The following C1orf115 variants were observed in gnomAD, a reference collection of about 807,000 sequenced individuals.
C1orf115 encodes the protein chromosome 1 open reading frame 115.
C1orf115 carries 14 observed loss-of-function variants against 12.5 expected under a neutral mutation model. The observed-to-expected ratio is 1.12, with a 90% CI of 0.74 to 1.75. The LOEUF (loss-of-function observed/expected upper bound fraction) is 1.75, where lower values mean the gene tolerates loss of function less well. Among genes scored for constraint, C1orf115 ranks in the 40% most tolerant of loss-of-function variants. The pLI is 0.00. For synonymous variants in C1orf115, 109 were observed against 104.6 expected (o/e 1.04, Z -0.26); for missense variants, 237 against 220.8 (o/e 1.07, Z -0.46).
chr1:220,694,990 A>C (rs1352052616), intron 1 of C1orf115, among the ~76,000 whole-genome samples: 4 of 152,242 alleles, frequency 2.6e-5, no homozygotes, highest in African/African-American at 9.6e-5. Context: ...TATGGAGTCA[A>C]AGACGCCACA....
At chr1:220,696,354 A>G (rs1670193689) in intron 1 of C1orf115, among the ~76,000 whole-genome samples, 1 of 152,224 alleles carries the variant, frequency 6.6e-6, no homozygotes, top group African/African-American at 2.4e-5. Context: ...TCTTTGAATT[A>G]TCTGGAAATA....
chr1:220,692,276 C>A (rs1376258644), intron 1 of C1orf115, among the ~76,000 whole-genome samples: 9 of 152,192 alleles, frequency 5.9e-5, no homozygotes, highest in African/African-American at 2.2e-4. Context: ...TGTGATCTAG[C>A]AGTTCCACTC....
At chr1:220,695,137 C>T (rs1670172470) in intron 1 of C1orf115, among the ~76,000 whole-genome samples, 1 of 152,122 alleles carries the variant, frequency 6.6e-6, no homozygotes, top group Non-Finnish European at 1.5e-5. Context: ...GGGTAGGAGC[C>T]GGAGTCAGAG....
intron 1 of C1orf115, among the ~76,000 whole-genome samples, chr1:220,692,433 T>C (rs937389283): frequency 6.6e-6 from 1 of 152,236 alleles, no homozygotes; most frequent in Non-Finnish European, 1.5e-5. Context: ...GTGTGTTATA[T>C]ACATACAATG....
intron 1 of C1orf115, 149 bp downstream of exon 1, chr1:220,690,860 G>A: frequency 9.9e-7 from 1 of 1,006,670 alleles, no homozygotes; most frequent in Non-Finnish European, 1.4e-6. Flanking sequence ...TCGCCGGAGG[G>A]AAGCCGCGAG....
Position 220,696,789 on chromosome 1 carries a change from T to C in C1orf115, c.*58T>C. ...AACGGGAGCCCCTGCTGTGGGAACT[T>C]TGTGAATCCTGGAGCATCTCAGACT... On this transcript the variant is annotated 3_prime_UTR_variant, in exon 2 of 2. Coordinates refer to ENST00000294889, the MANE Select transcript of C1orf115 (RefSeq NM_024709.5). 1 of 1,534,266 alleles carries C rather than the reference T, an allele frequency of 6.5e-7. No homozygotes were observed. Among genetic ancestry groups the C allele is most frequent in the South Asian group, 1.2e-5 (1 of 81,192 alleles).
chr1:220,693,850 G>A (rs1442595377), intron 1 of C1orf115, among the ~76,000 whole-genome samples: 6 of 152,048 alleles, frequency 3.9e-5, no homozygotes, highest in South Asian at 2.1e-4. Context: ...AGGCTGAGGC[G>A]GGTGGATCAC....
chr1:220,696,882 G>C lies in C1orf115; in HGVS notation c.*151G>C. On this transcript the variant is annotated 3_prime_UTR_variant, in exon 2 of 2. Coordinates refer to ENST00000294889, the MANE Select transcript of C1orf115 (RefSeq NM_024709.5). Reference sequence around the variant, plus strand: ...GTTGAATCACATTAGTATGATGAGTGAGTCATCCCTGCCCATCTGCTGAGC... The same window carrying C: ...GTTGAATCACATTAGTATGATGAGTCAGTCATCCCTGCCCATCTGCTGAGC... The C allele has an allele frequency of 1.0e-6, 1 of 986,460 alleles. No individual in the cohort carries two copies. Among genetic ancestry groups the C allele is most frequent in the Non-Finnish European group, 1.4e-6 (1 of 717,452 alleles). 61.1% of individuals were successfully genotyped at this position (986,460 alleles called of 1,614,324 possible). A position where few individuals can be genotyped will look rare whatever the true frequency, so the allele number is the denominator to read the frequency against.
intron 1 of C1orf115, among the ~76,000 whole-genome samples, chr1:220,693,525 G>A (rs937241165): frequency 6.6e-5 from 10 of 152,294 alleles, no homozygotes; most frequent in South Asian, 2.1e-4. Flanking sequence ...TTAAAGAACT[G>A]TATCTCTTAG....
rs972932255 is a variant in C1orf115, at chr1:220,699,041, A to G, written c.*2310A>G. On this transcript the variant is annotated 3_prime_UTR_variant, in exon 2 of 2. Coordinates refer to ENST00000294889, the MANE Select transcript of C1orf115 (RefSeq NM_024709.5). ...TTTCTTTTTTTCAATATCAGTGCCC[A>G]CACCTTACTGAGTATTGAGTTTTAG... 3 of 151,684 alleles carry G rather than the reference A, an allele frequency of 2.0e-5. No homozygotes were observed. The highest frequency in any genetic ancestry group is 7.3e-5 in the African/African-American group (3 of 41,220). 9.4% of individuals were successfully genotyped at this position (151,684 alleles called of 1,614,324 possible).
chr1:220,690,468 G>A lies in C1orf115; in HGVS notation c.66G>A (p.Gly22=), dbSNP rs763283894. The change falls in exon 1 of 2, where the codon GGG becomes GGA. Residue 22 remains glycine, a synonymous_variant. Transcript: ENST00000294889. ...GCCTCCTGCGCCGCGGGCCCCGAGG[G>A]CGAGGGCGAACCGAGGGGGACGAGG... ...ESSLLRRGPR[G]RGRTEGDEEA... 1.4e-6 allele frequency: 2 copies of A among 1,444,770 alleles called. No homozygotes were observed. The highest frequency in any genetic ancestry group is 1.5e-5 in the African/African-American group (1 of 66,766). The allele number at this position is 1,444,770 out of a possible 1,614,324, so 89.5% of individuals were successfully genotyped here.
intron 1 of C1orf115, among the ~76,000 whole-genome samples, chr1:220,693,546 T>C (rs1670144025): frequency 6.6e-6 from 1 of 152,212 alleles, no homozygotes; most frequent in South Asian, 2.1e-4. Context: ...CAACATCACA[T>C]ACCCACACAT....
chr1:220,692,029 G>A (rs1010261911), intron 1 of C1orf115, among the ~76,000 whole-genome samples: 1 of 152,186 alleles, frequency 6.6e-6, no homozygotes, highest in African/African-American at 2.4e-5. Flanking sequence ...TGAAAACTGG[G>A]CACAGAAGGA....
chr1:220,696,370 T>C (rs1365295558), intron 1 of C1orf115, among the ~76,000 whole-genome samples: 3 of 152,230 alleles, frequency 2.0e-5, no homozygotes. Flanking sequence ...AAATAAGCTG[T>C]GCTTGAAAGC....
rs1670077221 is a variant in C1orf115 at position 220,690,374 on chromosome 1, C to T, written c.-29C>T. ...GACCAAAGGTTGGTGTCTTTGCGCT[C>T]GGACCTTCGCCAGAGGGGCCGGGAC... On this transcript the variant is annotated 5_prime_UTR_variant, in exon 1 of 2. Coordinates refer to ENST00000294889, the MANE Select transcript of C1orf115 (RefSeq NM_024709.5). 1.5e-6 allele frequency: 2 copies of T among 1,378,956 alleles called. No individual in the cohort carries two copies. Among genetic ancestry groups the T allele is most frequent in the Non-Finnish European group, 1.9e-6 (2 of 1,073,254 alleles). The allele number at this position is 1,378,956 out of a possible 1,614,324, so 85.4% of individuals were successfully genotyped here. A position where few individuals can be genotyped will look rare whatever the true frequency, so the allele number is the denominator to read the frequency against.
chr1:220,690,365 C>A lies in C1orf115; in HGVS notation c.-38C>A. ...GCGGGCGGGGACCAAAGGTTGGTGT[C>A]TTTGCGCTCGGACCTTCGCCAGAGG... is the stretch of plus-strand genomic sequence containing the variant. On this transcript the variant is annotated 5_prime_UTR_variant, in exon 1 of 2. Coordinates refer to ENST00000294889, the MANE Select transcript of C1orf115 (RefSeq NM_024709.5). 1 of 1,370,136 alleles carries A rather than the reference C, an allele frequency of 7.3e-7. No individual in the cohort carries two copies. The highest frequency in any genetic ancestry group is 9.4e-7 in the Non-Finnish European group (1 of 1,068,534). The allele number at this position is 1,370,136 out of a possible 1,614,324, so 84.9% of individuals were successfully genotyped here. A position where few individuals can be genotyped will look rare whatever the true frequency, so the allele number is the denominator to read the frequency against.
chr1:220,697,287 A>C lies in C1orf115; in HGVS notation c.*556A>C, dbSNP rs547908571. On this transcript the variant is annotated 3_prime_UTR_variant, in exon 2 of 2. Coordinates refer to ENST00000294889, the MANE Select transcript of C1orf115 (RefSeq NM_024709.5). The surrounding 1 kb of genome is among the most constrained non-coding windows in gnomAD (Gnocchi z 4.5). ...CACCAGGAGTTTAATTACAGGCTTGAGGAGAAGAAAGGAAGAAAAGATATC... is the reference window on the plus strand; with the variant it reads ...CACCAGGAGTTTAATTACAGGCTTGCGGAGAAGAAAGGAAGAAAAGATATC... The C allele has an allele frequency of 2.0e-5, 3 of 152,246 alleles. No individual in the cohort carries two copies. Among genetic ancestry groups the C allele is most frequent in the South Asian group, 4.2e-4 (2 of 4,796 alleles). The allele number at this position is 152,246 out of a possible 1,614,324, so 9.4% of individuals were successfully genotyped here.
chr1:220,695,532 T>C (rs1027283491), intron 1 of C1orf115, among the ~76,000 whole-genome samples: 2 of 118,218 alleles, frequency 1.7e-5, no homozygotes, highest in Non-Finnish European at 3.3e-5. Context: ...AAAGGTGAAG[T>C]GGGATCATCT....
rs1336769894 is a variant in C1orf115, at chr1:220,690,682, T to A, written c.280T>A (p.Tyr94Asn). ...GCCGAGCGAGCAGCCCAGGAAGAGG[T>A]ACCGGAGGAAGCTGAAGAAGTACGG... is the stretch of plus-strand genomic sequence containing the variant. ...PAPSEQPRKRYRRKLKKYGKN... is the reference protein window; with the variant it reads ...PAPSEQPRKRNRRKLKKYGKN... The change falls in exon 1 of 2, where the codon TAC becomes AAC. Residue 94 changes from tyrosine to asparagine, a missense_variant. Transcript: ENST00000294889. 6.3e-7 allele frequency: 1 copy of A among 1,595,118 alleles called. No individual in the cohort carries two copies. Among genetic ancestry groups the A allele is most frequent in the Admixed American group, 1.7e-5 (1 of 58,182 alleles).
Sources: gnomAD v4.1 joint callset for allele counts (sites outside exome capture counted in the v4.1 genomes callset) on GRCh38, gnomAD v4.1.1 for gene constraint, Gnocchi (gnomAD v3.1) non-coding constraint, MANE v1.5 for transcripts, NCBI Gene and HGNC (gene_info 2026-07-23, HGNC 2026-07-21) for gene names.